The following SLC8A1 variants were observed in gnomAD, a reference collection of about 807,000 sequenced individuals.
The protein encoded by SLC8A1 is sodium/calcium exchanger 1.
A neutral mutation model predicts 68.3 loss-of-function variants in SLC8A1; 18 were observed. That is an observed-to-expected ratio of 0.26 (90% CI 0.18 to 0.39). The LOEUF (loss-of-function observed/expected upper bound fraction) is 0.39. Among genes scored for constraint, SLC8A1 ranks in the 10% least tolerant of loss-of-function variants. The pLI is 1.00. For synonymous variants in SLC8A1, 475 were observed against 415.5 expected (o/e 1.14, Z -1.74); for missense variants, 985 against 1,156.7 (o/e 0.85, Z 2.15).
At chr2:40,375,172 G>A (rs1372945544) in intron 2 of SLC8A1, among the ~76,000 whole-genome samples, 1 of 151,992 alleles carries the variant, frequency 6.6e-6, no homozygotes, top group East Asian at 1.9e-4. Flanking sequence ...GAAATTTAGA[G>A]ATTGAAGGAA....
At chr2:40,108,265 A>C (rs1454151250) in exon 8 of SLC8A1, 1 of 150,388 alleles carries the variant, frequency 6.6e-6, no homozygotes, top group Non-Finnish European at 1.5e-5. Flanking sequence ...ATAACTCAAT[A>C]ATTTGGAAAC....
intron 2 of SLC8A1, among the ~76,000 whole-genome samples, chr2:40,303,759 C>G (rs558253050): frequency 3.3e-5 from 5 of 152,064 alleles, no homozygotes; most frequent in Admixed American, 3.3e-4. Flanking sequence ...CCTTTCAATA[C>G]GAGGGGGATT....
At chr2:40,393,636 C>G (rs965032701) in intron 2 of SLC8A1, among the ~76,000 whole-genome samples, 2 of 151,910 alleles carry the variant, frequency 1.3e-5, no homozygotes, top group Non-Finnish European at 2.9e-5. Flanking sequence ...GTGCTCCCAG[C>G]AAAACTAATT....
chr2:40,350,374 A>G (rs559635785), intron 2 of SLC8A1, among the ~76,000 whole-genome samples: 5 of 152,092 alleles, frequency 3.3e-5, no homozygotes, highest in Admixed American at 2.0e-4. Context: ...CCAGCTACTC[A>G]GGAGGCTGAG....
At chr2:40,410,182 G>C (rs920208097) in intron 2 of SLC8A1, among the ~76,000 whole-genome samples, 1 of 152,056 alleles carries the variant, frequency 6.6e-6, no homozygotes, top group Non-Finnish European at 1.5e-5. Flanking sequence ...GAAATGGGTT[G>C]TTCGATTATT....
intron 2 of SLC8A1, among the ~76,000 whole-genome samples, chr2:40,353,319 T>A (rs111315674): frequency 1.8e-3 from 280 of 152,166 alleles, no homozygotes; most frequent in Middle Eastern, 0.014. Context: ...AAGAGAGCAA[T>A]CTTCCTACAG....
chr2:40,258,164 C>T (rs925056788), intron 2 of SLC8A1, among the ~76,000 whole-genome samples: 1 of 152,166 alleles, frequency 6.6e-6, no homozygotes, highest in Non-Finnish European at 1.5e-5. Flanking sequence ...TAAACAGTGA[C>T]ATTTTGTTCA....
chr2:40,237,904 A>T (rs1287970117), intron 2 of SLC8A1, among the ~76,000 whole-genome samples: 4 of 150,964 alleles, frequency 2.6e-5, no homozygotes, highest in Non-Finnish European at 5.9e-5. Context: ...GGTGCCTCCC[A>T]GTTAGGCTGC....
intron 2 of SLC8A1, among the ~76,000 whole-genome samples, chr2:40,385,880 T>A (rs1389942205): frequency 6.6e-6 from 1 of 151,378 alleles, no homozygotes; most frequent in Non-Finnish European, 1.5e-5. Flanking sequence ...CACAAAATGA[T>A]AATCCACTTG....
intron 2 of SLC8A1, among the ~76,000 whole-genome samples, chr2:40,413,955 AAATT>A (rs1485301952): frequency 1.3e-5 from 2 of 152,346 alleles, no homozygotes; most frequent in South Asian, 2.1e-4. Context: ...ACAGTTAAGA[AAATT>A]AATTTGTTGA....
intron 2 of SLC8A1, among the ~76,000 whole-genome samples, chr2:40,333,459 G>GA (rs1185289266): frequency 0.015 from 1,894 of 123,444 alleles, 38 homozygotes; most frequent in African/African-American, 0.053. Flanking sequence ...AAAAAGAAAA[G>GA]AAAAAAAAAA....
chr2:40,102,230 A>G (rs1480910967), exon 8 of SLC8A1: 3 of 152,302 alleles, frequency 2.0e-5, no homozygotes, highest in Middle Eastern at 3.4e-3. Context: ...TTCATAGAAT[A>G]CTATTTTAGT....
chr2:40,251,734 G>T (rs1207635730), intron 2 of SLC8A1: 1 of 152,296 alleles, frequency 6.6e-6, no homozygotes, highest in African/African-American at 2.4e-5. Context: ...CTGAATCTCA[G>T]CCTGATGGAG....
chr2:40,470,056 A>C (rs1306506146), intron 1 of SLC8A1, among the ~76,000 whole-genome samples: 1 of 152,236 alleles, frequency 6.6e-6, no homozygotes, highest in East Asian at 1.9e-4. Flanking sequence ...TTCAGTTTCA[A>C]CATTGTTTTA....
chr2:40,260,359 C>T (rs2064528517), intron 2 of SLC8A1, among the ~76,000 whole-genome samples: 1 of 152,172 alleles, frequency 6.6e-6, no homozygotes, highest in African/African-American at 2.4e-5. Flanking sequence ...GGTCTGTGGT[C>T]TCAACTTGGA....
intron 1 of SLC8A1, among the ~76,000 whole-genome samples, chr2:40,507,871 T>A (rs1054016664): frequency 1.3e-5 from 2 of 152,080 alleles, no homozygotes; most frequent in Non-Finnish European, 2.9e-5. Context: ...AGTAACATAG[T>A]TGGGATTTGA....
At chr2:40,503,109 CAT>C (rs567998385) in intron 1 of SLC8A1, among the ~76,000 whole-genome samples, 5 of 151,986 alleles carry the variant, frequency 3.3e-5, no homozygotes, top group Non-Finnish European at 7.4e-5. Context: ...TGCATAATCA[CAT>C]GTTTCTGTAG....
chr2:40,366,827 A>G (rs76473954), intron 2 of SLC8A1, among the ~76,000 whole-genome samples: 4,061 of 151,478 alleles, frequency 0.027, 74 homozygotes, highest in Non-Finnish European at 0.04. Context: ...TTTACATTTT[A>G]TGGATATTTT....
At chr2:40,324,553 G>A (rs904933765) in intron 2 of SLC8A1, among the ~76,000 whole-genome samples, 2 of 152,158 alleles carry the variant, frequency 1.3e-5, no homozygotes, top group Non-Finnish European at 2.9e-5. Context: ...GATTCAAAGT[G>A]AAGTAGCTCA....
Sources: gnomAD v4.1 joint callset for allele counts (sites outside exome capture counted in the v4.1 genomes callset) on GRCh38, gnomAD v4.1.1 for gene constraint, MANE v1.5 for transcripts, NCBI Gene and HGNC (gene_info 2026-07-23, HGNC 2026-07-21) for gene names.